The following CACUL1 variants were observed in gnomAD, a reference collection of about 807,000 sequenced individuals.
CACUL1 encodes the protein CDK2-associated and cullin domain-containing protein 1.
A neutral mutation model predicts 45.2 loss-of-function variants in CACUL1; 13 were observed. The observed-to-expected ratio is 0.29, with a 90% CI of 0.19 to 0.46. The LOEUF is 0.46. CACUL1 is among the 20% of genes least tolerant of loss of function. CACUL1 has a pLI of 1.00. For missense variants in CACUL1, 421 were observed against 471.4 expected, an observed-to-expected ratio of 0.89 and a Z score of 0.99; for synonymous variants, 197 against 174.2, an observed-to-expected ratio of 1.13 and a Z score of -1.03.
chr10:118,725,109 A>C (rs1464415887), intron 3 of CACUL1, among the ~76,000 whole-genome samples: 1 of 152,202 alleles, frequency 6.6e-6, no homozygotes, highest in Non-Finnish European at 1.5e-5. Flanking sequence ...CAGAATTGGA[A>C]ATGTACATTT....
At chr10:118,689,330 G>A (rs75841919) in intron 7 of CACUL1, among the ~76,000 whole-genome samples, 2,466 of 152,088 alleles carry the variant, frequency 0.016, 38 homozygotes, top group Non-Finnish European at 0.024. Flanking sequence ...CCACTTTGGC[G>A]GACTTACTCT....
At chr10:118,742,671 C>T (rs775561598) in intron 1 of CACUL1, among the ~76,000 whole-genome samples, 1 of 152,086 alleles carries the variant, frequency 6.6e-6, no homozygotes, top group Non-Finnish European at 1.5e-5. Flanking sequence ...CAACATGAGA[C>T]TAACTTTACT....
chr10:118,712,813 T>C (rs770443680), intron 3 of CACUL1, among the ~76,000 whole-genome samples: 12 of 152,198 alleles, frequency 7.9e-5, no homozygotes, highest in Non-Finnish European at 1.6e-4. Context: ...AGGGCTTTTA[T>C]GGGCCCAGAG....
chr10:118,742,655 C>G (rs11816830), intron 1 of CACUL1, among the ~76,000 whole-genome samples: 5,959 of 152,090 alleles, frequency 0.039, 371 homozygotes, highest in African/African-American at 0.13. Flanking sequence ...TTACACACCC[C>G]CCTCCCAACA....
Position 118,740,842 on chromosome 10 carries a change from C to T in CACUL1, c.368-10432G>A, listed in dbSNP as rs567538859. Among the ~76,000 whole-genome samples, 328 of 151,160 alleles carry T rather than the reference C, an allele frequency of 2.2e-3. 2 individuals are homozygous for T. The highest frequency in any genetic ancestry group is 7.7e-3 in the African/African-American group (316 of 41,146). On this transcript the variant is annotated intron_variant, in intron 1 of 8. Transcript: ENST00000369151. ...TCAGGAGGCTGAGGCAGGAGAATAGCGTGAACCCGGGAGACGGAGCTTGCA... is the reference window on the plus strand; with the variant it reads ...TCAGGAGGCTGAGGCAGGAGAATAGTGTGAACCCGGGAGACGGAGCTTGCA...
At chr10:118,703,553 T>C (rs11198566) in intron 4 of CACUL1, among the ~76,000 whole-genome samples, 1,716 of 152,332 alleles carry the variant, frequency 0.011, 18 homozygotes, top group Middle Eastern at 0.027. Context: ...TATTTGTATG[T>C]ATTTATGAGT....
Position 118,680,769 on chromosome 10 carries a change from T to G in CACUL1, c.*5359A>C, listed in dbSNP as rs1418559434. On this transcript the variant is annotated 3_prime_UTR_variant, in exon 9 of 9. Transcript: ENST00000369151. The stretch of plus-strand genomic sequence containing the variant: ...CCATATGTATATTGTTACACACTGT[T>G]TTTTAGCACTGGTTGCAGAAGTCAA... 1 of 152,244 alleles carries G rather than the reference T, an allele frequency of 6.6e-6. No homozygotes were observed. The highest frequency in any genetic ancestry group is 1.5e-5 in the Non-Finnish European group (1 of 68,052). The allele number at this position is 152,244 out of a possible 1,614,324, so 9.4% of individuals were successfully genotyped here. A position where few individuals can be genotyped will look rare whatever the true frequency, so the allele number is the denominator to read the frequency against.
chr10:118,743,948 G>A (rs1245120674), intron 1 of CACUL1, among the ~76,000 whole-genome samples: 1 of 151,892 alleles, frequency 6.6e-6, no homozygotes, highest in African/African-American at 2.4e-5. Context: ...GTTCTAAAGA[G>A]GGAAGAAAAA....
At chr10:118,707,004 C>G (rs1295184457) in intron 4 of CACUL1, among the ~76,000 whole-genome samples, 1 of 152,040 alleles carries the variant, frequency 6.6e-6, no homozygotes, top group African/African-American at 2.4e-5. Flanking sequence ...CTATGACTCT[C>G]GATATTTAAA....
At chr10:118,703,768 A>G (rs1845407263) in intron 4 of CACUL1, among the ~76,000 whole-genome samples, 2 of 152,222 alleles carry the variant, frequency 1.3e-5, no homozygotes, top group South Asian at 2.1e-4. Flanking sequence ...AAAGTAAGTT[A>G]GCGGAAAAAA....
At chr10:118,717,868 G>T (rs571453427) in intron 3 of CACUL1, among the ~76,000 whole-genome samples, 1 of 152,286 alleles carries the variant, frequency 6.6e-6, no homozygotes, top group South Asian at 2.1e-4. Flanking sequence ...ATCCTCCATA[G>T]CAAGATGTGC....
intron 3 of CACUL1, among the ~76,000 whole-genome samples, chr10:118,721,390 ATTAAT>A (rs1845598709): frequency 6.6e-6 from 1 of 152,246 alleles, no homozygotes; most frequent in South Asian, 2.1e-4. Context: ...AATTTCCATT[ATTAAT>A]TTGACAGTCA....
At chr10:118,748,785 C>T (rs12098269) in intron 1 of CACUL1, among the ~76,000 whole-genome samples, 22,811 of 152,088 alleles carry the variant, frequency 0.15, 2,142 homozygotes, top group African/African-American at 0.27. Flanking sequence ...CAGTAATAGG[C>T]TACCTTTTAA....
intron 6 of CACUL1, among the ~76,000 whole-genome samples, chr10:118,694,045 T>C (rs546096760): frequency 8.5e-5 from 13 of 152,172 alleles, no homozygotes; most frequent in Non-Finnish European, 1.8e-4. Context: ...TTTCTATTTT[T>C]AGTAGAGACG....
rs555815249 is a variant in CACUL1 at position 118,750,722 on chromosome 10, A to T, written c.367+3674T>A. Among the ~76,000 whole-genome samples the T allele has an allele frequency of 6.6e-5, 10 of 152,342 alleles. No individual in the cohort carries two copies. In the East Asian group the frequency reaches 1.7e-3, roughly 26 times the overall value. Reference sequence around the variant, plus strand: ...AGTTCACTACACTGCTATTCCCACAAGCAAGTATACGTTTTCCTGTATTAC... The same window carrying T: ...AGTTCACTACACTGCTATTCCCACATGCAAGTATACGTTTTCCTGTATTAC... On this transcript the variant is annotated intron_variant, in intron 1 of 8. Transcript: ENST00000369151.
At position 118,686,017 on chromosome 10, in the gene CACUL1, G is replaced by T; in HGVS notation, c.*111C>A. The T allele has an allele frequency of 1.5e-6, 1 of 662,528 alleles. No homozygotes were observed. Among genetic ancestry groups the T allele is most frequent in the Non-Finnish European group, 2.6e-6 (1 of 380,604 alleles). The allele number at this position is 662,528 out of a possible 1,614,324, so 41.0% of individuals were successfully genotyped here. ...AGTCCAACATCCTCTTCCATGAACA[G>T]CTTTGTGACAGAGCTCCTGAGTGTG... On this transcript the variant is annotated 3_prime_UTR_variant, in exon 9 of 9. Transcript: ENST00000369151.
At position 118,682,013 on chromosome 10, in the gene CACUL1, C is replaced by T. The variant is rs1255841307; in HGVS notation, c.*4115G>A. 3 of 152,188 alleles carry T rather than the reference C, an allele frequency of 2.0e-5. No individual in the cohort carries two copies. The highest frequency in any genetic ancestry group is 7.2e-5 in the African/African-American group (3 of 41,452). The allele number at this position is 152,188 out of a possible 1,614,324, so 9.4% of individuals were successfully genotyped here. ...CCATTTTAACTTCTGACAAAGTTAA[C>T]TTCATTTATACAATCGTATTGAAAA... On this transcript the variant is annotated 3_prime_UTR_variant, in exon 9 of 9. Transcript: ENST00000369151.
At chr10:118,696,161 G>T (rs1018846842) in intron 5 of CACUL1, among the ~76,000 whole-genome samples, 4 of 152,174 alleles carry the variant, frequency 2.6e-5, no homozygotes, top group African/African-American at 9.7e-5. Flanking sequence ...TGCACTCACT[G>T]TTCAAGTCTA....
At chr10:118,713,649 G>C (rs1416751622) in intron 3 of CACUL1, among the ~76,000 whole-genome samples, 2 of 152,190 alleles carry the variant, frequency 1.3e-5, no homozygotes. Context: ...AATGGGTTTA[G>C]AGTAAGTTTT....
Sources: allele counts gnomAD v4.1 joint callset (sites outside exome capture counted in the v4.1 genomes callset), GRCh38; gene constraint gnomAD v4.1.1; transcripts MANE v1.5; gene names NCBI Gene and HGNC (gene_info 2026-07-23, HGNC 2026-07-21).